Variants in CSMD1 observed in about 807,000 individuals in gnomAD.
CSMD1 encodes the protein CUB and Sushi multiple domains 1.
A neutral mutation model predicts 417.5 loss-of-function variants in CSMD1; 213 were observed. That is an observed-to-expected ratio of 0.51 (90% CI 0.46 to 0.57). The LOEUF is 0.57. Among genes scored for constraint, CSMD1 ranks in the 20% least tolerant of loss-of-function variants. CSMD1 has a pLI of 0.00. For missense variants in CSMD1, 6,923 were observed against 4,529.7 expected (o/e 1.53, Z -15.17); for synonymous variants, 2,862 against 1,736.8 (o/e 1.65, Z -16.11).
intron 69 of CSMD1, among the ~76,000 whole-genome samples, chr8:2,939,231 G>A (rs1239026186): frequency 6.6e-6 from 1 of 152,234 alleles, no homozygotes; most frequent in Non-Finnish European, 1.5e-5. Flanking sequence ...GTTAAGACAC[G>A]AAACTTTCTA....
At chr8:4,883,886 C>G (rs1228972909) in intron 1 of CSMD1, among the ~76,000 whole-genome samples, 1 of 151,894 alleles carries the variant, frequency 6.6e-6, no homozygotes, top group Non-Finnish European at 1.5e-5. Flanking sequence ...AACTTTATGT[C>G]TAACATTTTG....
At position 3,410,560 on chromosome 8, in the gene CSMD1, T is replaced by C. The variant is rs537357484; in HGVS notation, c.1562-955A>G. On this transcript the variant is annotated intron_variant, in intron 12 of 69. Transcript: ENST00000635120. ...GCTTTCTCTTTGCCTGCTGCCATCA[T>C]GTAAGACGTGACTTGTTCCACCTTG... Among the ~76,000 whole-genome samples, 14 of 152,316 alleles carry C rather than the reference T, an allele frequency of 9.2e-5. 1 individual carries two copies. In the East Asian group the frequency reaches 1.5e-3, roughly 17 times the overall value.
chr8:3,621,177 A>C (rs536443593), intron 7 of CSMD1, among the ~76,000 whole-genome samples: 113 of 152,270 alleles, frequency 7.4e-4, no homozygotes, highest in Non-Finnish European at 1.5e-3. Context: ...ATTGTGGTAA[A>C]GTGAATTTCT....
At position 4,883,301 on chromosome 8, in the gene CSMD1, T is replaced by C. The variant is rs1387511295; in HGVS notation, c.85+111031A>G. Among the ~76,000 whole-genome samples, 3 of 152,222 alleles carry C rather than the reference T, an allele frequency of 2.0e-5. No homozygotes were observed. In the South Asian group the frequency reaches 6.2e-4, roughly 32 times the overall value. On this transcript the variant is annotated intron_variant, in intron 1 of 69. Transcript: ENST00000635120. ...CAAGATAAATAGAGTTACAGATAAATGTATATAATACCTCTATTTGGATAT... is the reference window on the plus strand; with the variant it reads ...CAAGATAAATAGAGTTACAGATAAACGTATATAATACCTCTATTTGGATAT...
At chr8:4,175,790 G>T (rs777327483) in intron 3 of CSMD1, among the ~76,000 whole-genome samples, 4 of 152,154 alleles carry the variant, frequency 2.6e-5, no homozygotes, top group Non-Finnish European at 4.4e-5. Context: ...ATACTATGAT[G>T]ATCATGGCAA....
chr8:4,395,436 G>A (rs542475933), intron 3 of CSMD1, among the ~76,000 whole-genome samples: 1 of 151,798 alleles, frequency 6.6e-6, no homozygotes, highest in Non-Finnish European at 1.5e-5. Context: ...AACAAGAAAA[G>A]CAGTCTCTCA....
intron 53 of CSMD1, among the ~76,000 whole-genome samples, chr8:2,998,669 T>C (rs868755491): frequency 8.5e-5 from 13 of 152,198 alleles, no homozygotes; most frequent in Admixed American, 6.5e-4. Context: ...ATCATGAAAT[T>C]AGCAAAATAA....
At chr8:4,028,708 C>A (rs944383098) in intron 4 of CSMD1, among the ~76,000 whole-genome samples, 2 of 152,098 alleles carry the variant, frequency 1.3e-5, no homozygotes, top group African/African-American at 4.8e-5. Flanking sequence ...AACTCTATTT[C>A]TTTACCTTTT....
intron 12 of CSMD1, among the ~76,000 whole-genome samples, chr8:3,428,890 C>T (rs1022753479): frequency 5.9e-5 from 9 of 152,196 alleles, no homozygotes; most frequent in African/African-American, 1.7e-4. Context: ...TTTGCAGCAA[C>T]ACGGATGAGC....
intron 3 of CSMD1, among the ~76,000 whole-genome samples, chr8:4,072,050 A>G (rs1461852056): frequency 6.6e-6 from 1 of 152,188 alleles, no homozygotes; most frequent in East Asian, 1.9e-4. Context: ...GTTAGGATAG[A>G]GTTTTGGTTT....
At chr8:4,154,146 A>G (rs79873335) in intron 3 of CSMD1, among the ~76,000 whole-genome samples, 4,059 of 152,288 alleles carry the variant, frequency 0.027, 169 homozygotes, top group African/African-American at 0.093. Flanking sequence ...AGGGTGAGAT[A>G]TACAATTTTA....
intron 11 of CSMD1, among the ~76,000 whole-genome samples, chr8:3,481,286 G>C (rs1326567200): frequency 6.6e-6 from 1 of 151,032 alleles, no homozygotes; most frequent in South Asian, 2.1e-4. Context: ...TTTCAAAAGA[G>C]AAAAAACAAG....
intron 36 of CSMD1, among the ~76,000 whole-genome samples, chr8:3,181,968 G>C (rs376556209): frequency 6.6e-6 from 1 of 152,084 alleles, no homozygotes; most frequent in South Asian, 2.1e-4. Context: ...TAATAGACAA[G>C]TTTAAGTCAC....
chr8:4,743,768 C>T (rs1009604362), intron 1 of CSMD1, among the ~76,000 whole-genome samples: 2 of 152,136 alleles, frequency 1.3e-5, no homozygotes, highest in Non-Finnish European at 2.9e-5. Flanking sequence ...TGAAGTTTTG[C>T]CTATTACACT....
chr8:4,218,997 C>T (rs949324686), intron 3 of CSMD1, among the ~76,000 whole-genome samples: 2 of 152,162 alleles, frequency 1.3e-5, no homozygotes, highest in Non-Finnish European at 2.9e-5. Flanking sequence ...ACAGCAATTA[C>T]ACAAATTATC....
chr8:4,766,347 T>C (rs6985100), intron 1 of CSMD1, among the ~76,000 whole-genome samples: 44,970 of 152,080 alleles, frequency 0.3, 7,618 homozygotes, highest in Admixed American at 0.44. Flanking sequence ...TGGTGTAAGG[T>C]TGTTAGGACA....
chr8:4,425,428 G>A (rs1447438958), intron 2 of CSMD1, among the ~76,000 whole-genome samples: 1 of 151,520 alleles, frequency 6.6e-6, no homozygotes, highest in Admixed American at 6.6e-5. Context: ...CAGGGATGCG[G>A]AAGGATGAGT....
chr8:3,128,428 A>T (rs1382586633), intron 41 of CSMD1: 1 of 161,936 alleles, frequency 6.2e-6, no homozygotes, highest in Non-Finnish European at 1.4e-5. Flanking sequence ...CATGGTCATA[A>T]ATAAATGACA....
At chr8:3,664,500 A>G (rs1044434135) in intron 7 of CSMD1, among the ~76,000 whole-genome samples, 1 of 152,236 alleles carries the variant, frequency 6.6e-6, no homozygotes, top group African/African-American at 2.4e-5. Context: ...TAGAATATGT[A>G]AAATATCCTC....
Sources: allele counts gnomAD v4.1 joint callset (sites outside exome capture counted in the v4.1 genomes callset), GRCh38; gene constraint gnomAD v4.1.1; transcripts MANE v1.5; gene names NCBI Gene and HGNC (gene_info 2026-07-23, HGNC 2026-07-21).